Variants in GRID1 observed in about 807,000 individuals in gnomAD.
GRID1 encodes the protein glutamate ionotropic receptor delta type subunit 1, also known as glutamate receptor ionotropic, delta-1.
GRID1 carries 28 observed loss-of-function variants against 98.0 expected under a neutral mutation model. The ratio of observed to expected loss-of-function variants is 0.29; its 90% confidence interval spans 0.21 to 0.39. GRID1 has a LOEUF of 0.39. GRID1 is among the 10% of genes least tolerant of loss of function. The pLI, the probability that GRID1 is intolerant of heterozygous loss-of-function variation, is 1.00. For synonymous variants in GRID1, 553 were observed against 538.5 expected, an observed-to-expected ratio of 1.03 and a Z score of -0.37; for missense variants, 1,111 against 1,340.5, an observed-to-expected ratio of 0.83 and a Z score of 2.67.
chr10:86,097,743 C>T (rs1844241904), intron 4 of GRID1, among the ~76,000 whole-genome samples: 1 of 152,122 alleles, frequency 6.6e-6, no homozygotes, highest in Admixed American at 6.5e-5. Flanking sequence ...AAAAGGTGGA[C>T]AGATACATAT....
At chr10:85,636,910 G>A (rs1339604796) in intron 13 of GRID1, among the ~76,000 whole-genome samples, 1 of 152,074 alleles carries the variant, frequency 6.6e-6, no homozygotes, top group Non-Finnish European at 1.5e-5. Flanking sequence ...AGAAATAAAT[G>A]TAGTAACTGA....
At chr10:86,030,220 T>C (rs1368462300) in intron 4 of GRID1, among the ~76,000 whole-genome samples, 1 of 152,190 alleles carries the variant, frequency 6.6e-6, no homozygotes, top group Non-Finnish European at 1.5e-5. Context: ...GAAAGGATCT[T>C]GTATGGTAAA....
intron 8 of GRID1, among the ~76,000 whole-genome samples, chr10:85,849,983 G>T (rs1382119521): frequency 6.6e-6 from 1 of 152,062 alleles, no homozygotes; most frequent in Admixed American, 6.6e-5. Flanking sequence ...ACCACATCAG[G>T]GTCTCCCTCA....
At chr10:86,107,389 T>C (rs1844407480) in intron 4 of GRID1, among the ~76,000 whole-genome samples, 1 of 152,160 alleles carries the variant, frequency 6.6e-6, no homozygotes. Flanking sequence ...AGGTACGATG[T>C]ACAAGCCTCA....
intron 4 of GRID1, among the ~76,000 whole-genome samples, chr10:85,927,596 C>T (rs1328465624): frequency 4.0e-5 from 6 of 151,760 alleles, no homozygotes; most frequent in Non-Finnish European, 8.8e-5. Context: ...ACTAAACAAA[C>T]AAGTCCTCTT....
intron 2 of GRID1, among the ~76,000 whole-genome samples, chr10:86,301,909 T>C (rs1364066907): frequency 6.6e-6 from 1 of 152,230 alleles, no homozygotes. Context: ...ATTGGTTTTG[T>C]ACCTGAAAGA....
At chr10:85,938,239 C>G (rs1324040612) in intron 4 of GRID1, among the ~76,000 whole-genome samples, 25 of 152,142 alleles carry the variant, frequency 1.6e-4, no homozygotes, top group Admixed American at 1.6e-3. Flanking sequence ...AATACTTGGA[C>G]ATATTTTCTA....
At chr10:85,845,877 G>A (rs182951284) in intron 8 of GRID1, among the ~76,000 whole-genome samples, 1 of 152,270 alleles carries the variant, frequency 6.6e-6, no homozygotes, top group East Asian at 1.9e-4. Context: ...AAAAGAGTAT[G>A]GAACATTTGA....
intron 4 of GRID1, among the ~76,000 whole-genome samples, chr10:85,957,941 C>T (rs1389051755): frequency 1.3e-5 from 2 of 152,330 alleles, no homozygotes; most frequent in African/African-American, 4.8e-5. Context: ...TAAGGACCTT[C>T]CCCAAATTGA....
chr10:86,071,668 C>T (rs891083606), intron 4 of GRID1, among the ~76,000 whole-genome samples: 1 of 152,178 alleles, frequency 6.6e-6, no homozygotes, highest in Non-Finnish European at 1.5e-5. Context: ...GCACTCATTA[C>T]CTGCCAGGTT....
chr10:86,048,033 T>C (rs1646058017), intron 4 of GRID1, among the ~76,000 whole-genome samples: 2 of 152,118 alleles, frequency 1.3e-5, no homozygotes, highest in Non-Finnish European at 2.9e-5. Context: ...TGCTTTTTGC[T>C]CTCCTGGCCC....
chr10:86,174,454 A>T (rs1427044044), intron 3 of GRID1, among the ~76,000 whole-genome samples: 1 of 151,724 alleles, frequency 6.6e-6, no homozygotes, highest in Non-Finnish European at 1.5e-5. Context: ...GAAAGCTGAA[A>T]CTGGATCCCT....
At chr10:86,007,274 A>G (rs1261968179) in intron 4 of GRID1, among the ~76,000 whole-genome samples, 1 of 152,236 alleles carries the variant, frequency 6.6e-6, no homozygotes, top group East Asian at 1.9e-4. Flanking sequence ...AGGGGCTCTC[A>G]GAGCTTCTCT....
At chr10:86,364,214 T>A in intron 1 of GRID1, 118 bp from the exon 2 acceptor site, 1 of 786,682 alleles carries the variant, frequency 1.3e-6, no homozygotes. Flanking sequence ...AAGTCTGAAC[T>A]GGGATTTCAG....
chr10:85,862,707 T>C (rs1843175268), intron 6 of GRID1, among the ~76,000 whole-genome samples: 1 of 152,174 alleles, frequency 6.6e-6, no homozygotes, highest in African/African-American at 2.4e-5. Flanking sequence ...AGAAGTTGAC[T>C]GAGGACCAGG....
chr10:85,705,179 G>A (rs1163784921), intron 12 of GRID1, among the ~76,000 whole-genome samples: 2 of 152,124 alleles, frequency 1.3e-5, no homozygotes, highest in Non-Finnish European at 2.9e-5. Context: ...ATGAATCCAG[G>A]AGCTGGTTGT....
chr10:86,146,480 A>G (rs981226434), intron 3 of GRID1, among the ~76,000 whole-genome samples: 3 of 152,156 alleles, frequency 2.0e-5, no homozygotes, highest in Non-Finnish European at 4.4e-5. Flanking sequence ...GTATGATGGC[A>G]GCAGCGTCTG....
At chr10:85,768,268 G>A (rs1011780214) in intron 8 of GRID1, among the ~76,000 whole-genome samples, 2 of 151,954 alleles carry the variant, frequency 1.3e-5, no homozygotes, top group African/African-American at 2.4e-5. Flanking sequence ...CAATACACCA[G>A]GATGAATTCC....
chr10:86,217,907 C>T (rs1846199013), intron 2 of GRID1, among the ~76,000 whole-genome samples: 1 of 152,098 alleles, frequency 6.6e-6, no homozygotes, highest in Non-Finnish European at 1.5e-5. Context: ...CCTCAGCCCT[C>T]CCTGCAGCCC....
Sources: gnomAD v4.1 joint callset for allele counts (sites outside exome capture counted in the v4.1 genomes callset) on GRCh38, gnomAD v4.1.1 for gene constraint, MANE v1.5 for transcripts, NCBI Gene and HGNC (gene_info 2026-07-23, HGNC 2026-07-21) for gene names.